The following NEDD4 variants were observed in gnomAD, a reference collection of about 807,000 sequenced individuals.
The protein encoded by NEDD4 is E3 ubiquitin-protein ligase NEDD4.
A neutral mutation model predicts 144.9 loss-of-function variants in NEDD4; 99 were observed. The ratio of observed to expected loss-of-function variants is 0.68; its 90% CI spans 0.58 to 0.81. NEDD4 has a LOEUF of 0.81. Among genes scored for constraint, NEDD4 ranks in the 30% least tolerant of loss-of-function variants. The pLI is 0.00. For missense variants in NEDD4, 985 were observed against 1,065.9 expected, an observed-to-expected ratio of 0.92 and a Z score of 1.06; for synonymous variants, 318 against 350.6, an observed-to-expected ratio of 0.91 and a Z score of 1.04.
intron 8 of NEDD4, among the ~76,000 whole-genome samples, chr15:55,866,625 T>C (rs1373856451): frequency 6.6e-6 from 1 of 152,178 alleles, no homozygotes; most frequent in Non-Finnish European, 1.5e-5. Context: ...GCTAGAAAAA[T>C]GGTAGCAAAA....
At chr15:55,845,730 A>C (rs1235706680) in intron 18 of NEDD4, among the ~76,000 whole-genome samples, 2 of 152,118 alleles carry the variant, frequency 1.3e-5, no homozygotes, top group African/African-American at 4.8e-5. Flanking sequence ...TTAAAATCCC[A>C]AAGTCTAGAA....
chr15:55,971,722 G>A (rs12591215), intron 1 of NEDD4, among the ~76,000 whole-genome samples: 22,487 of 151,634 alleles, frequency 0.15, 1,780 homozygotes, highest in East Asian at 0.32. Flanking sequence ...GAACTTTCTA[G>A]GCCTAGAAAA....
intron 2 of NEDD4, among the ~76,000 whole-genome samples, chr15:55,965,638 TTACTAA>T (rs1228990892): frequency 1.3e-5 from 2 of 150,832 alleles, no homozygotes; most frequent in African/African-American, 4.9e-5. Flanking sequence ...CCACAACAAC[TTACTAA>T]TACTATTTGG....
chr15:55,876,413 A>T (rs1223885630), intron 5 of NEDD4, among the ~76,000 whole-genome samples: 1 of 152,156 alleles, frequency 6.6e-6, no homozygotes, highest in Non-Finnish European at 1.5e-5. Context: ...ATACAAAAAA[A>T]AAATTGTATC....
chr15:55,865,473 G>A (rs1252739615), intron 8 of NEDD4, among the ~76,000 whole-genome samples: 1 of 151,692 alleles, frequency 6.6e-6, no homozygotes, highest in Non-Finnish European at 1.5e-5. Flanking sequence ...ACCAAACCTT[G>A]AAGGCATGAA....
intron 5 of NEDD4, among the ~76,000 whole-genome samples, chr15:55,913,389 T>C (rs2036336095): frequency 6.6e-6 from 1 of 152,050 alleles, no homozygotes; most frequent in Non-Finnish European, 1.5e-5. Context: ...ACTGCTATAT[T>C]TAGAAAAAAC....
intron 5 of NEDD4, among the ~76,000 whole-genome samples, chr15:55,896,441 C>T (rs2035741493): frequency 6.6e-6 from 1 of 152,180 alleles, no homozygotes. Context: ...GCCTTGGCCT[C>T]CCAAAATGCT....
chr15:55,889,584 T>G (rs933833598), intron 5 of NEDD4, among the ~76,000 whole-genome samples: 1 of 151,880 alleles, frequency 6.6e-6, no homozygotes, highest in Non-Finnish European at 1.5e-5. Context: ...GGTAGTGGGG[T>G]AGGGAGAAGT....
At chr15:55,869,862 T>A (rs202228155) in intron 7 of NEDD4, among the ~76,000 whole-genome samples, 181 bp from the exon 8 acceptor site, 27 of 79,610 alleles carry the variant, frequency 3.4e-4, no homozygotes, top group Admixed American at 1.6e-3. Context: ...GGCAAACATA[T>A]ATAAATAAAT....
At chr15:55,903,598 G>C (rs766066486) in intron 5 of NEDD4, among the ~76,000 whole-genome samples, 1 of 152,056 alleles carries the variant, frequency 6.6e-6, no homozygotes, top group Non-Finnish European at 1.5e-5. Flanking sequence ...GCCGAGGTGG[G>C]TGGATCACGA....
At chr15:55,953,947 C>T (rs1006542350) in intron 2 of NEDD4, among the ~76,000 whole-genome samples, 1 of 152,190 alleles carries the variant, frequency 6.6e-6, no homozygotes, top group Non-Finnish European at 1.5e-5. Context: ...GTCTCAATCT[C>T]TTGACCTCGT....
chr15:55,844,860 T>G (rs1378820653), intron 18 of NEDD4, among the ~76,000 whole-genome samples: 3 of 149,182 alleles, frequency 2.0e-5, no homozygotes, highest in African/African-American at 7.4e-5. Context: ...CAGGCTGGAG[T>G]GCAGTGGCAT....
chr15:55,929,368 T>C (rs369882104), intron 4 of NEDD4, among the ~76,000 whole-genome samples: 1 of 152,190 alleles, frequency 6.6e-6, no homozygotes, highest in African/African-American at 2.4e-5. Context: ...TGGGAGTACA[T>C]GTACAAGTTG....
At chr15:55,882,625 T>C (rs2035234873) in intron 5 of NEDD4, among the ~76,000 whole-genome samples, 1 of 152,138 alleles carries the variant, frequency 6.6e-6, no homozygotes, top group African/African-American at 2.4e-5. Context: ...AGTTAAGTCC[T>C]AGTTCGTACT....
intron 5 of NEDD4, among the ~76,000 whole-genome samples, chr15:55,903,338 T>C (rs895085422): frequency 4.6e-5 from 7 of 152,182 alleles, no homozygotes; most frequent in Non-Finnish European, 7.4e-5. Flanking sequence ...AAATACATAA[T>C]GGAGTTGCGT....
intron 5 of NEDD4, among the ~76,000 whole-genome samples, chr15:55,897,264 C>T (rs1184307705): frequency 6.6e-6 from 1 of 152,170 alleles, no homozygotes; most frequent in Non-Finnish European, 1.5e-5. Flanking sequence ...TGAGCCACTG[C>T]GCCCGGCCGA....
chr15:55,900,208 A>G (rs1449472378), intron 5 of NEDD4, among the ~76,000 whole-genome samples: 1 of 152,184 alleles, frequency 6.6e-6, no homozygotes, highest in Non-Finnish European at 1.5e-5. Context: ...CAGGACTCCA[A>G]GGTGACAACA....
chr15:55,944,121 C>A (rs1487770320), intron 4 of NEDD4, among the ~76,000 whole-genome samples: 1 of 152,234 alleles, frequency 6.6e-6, no homozygotes, highest in African/African-American at 2.4e-5. Context: ...CCTGGTTCAT[C>A]TCATTTGGAC....
At chr15:55,909,272 G>A (rs1464708272) in intron 5 of NEDD4, among the ~76,000 whole-genome samples, 1 of 152,200 alleles carries the variant, frequency 6.6e-6, no homozygotes, top group East Asian at 1.9e-4. Context: ...CCTCAGGTCT[G>A]CTGCTCTTGT....
Sources: allele counts gnomAD v4.1 joint callset (sites outside exome capture counted in the v4.1 genomes callset), GRCh38; gene constraint gnomAD v4.1.1; transcripts MANE v1.5; gene names NCBI Gene and HGNC (gene_info 2026-07-23, HGNC 2026-07-21).